The following LIPC variants were observed in gnomAD, a reference collection of about 807,000 sequenced individuals.
LIPC encodes hepatic triacylglycerol lipase.
In LIPC, 44 loss-of-function variants were observed where a neutral mutation model predicts 50.7. That is an observed-to-expected ratio of 0.87 (90% CI 0.68 to 1.11). The LOEUF (loss-of-function observed/expected upper bound fraction) is 1.11. LIPC is among the 50% of genes most tolerant of loss of function. LIPC has a pLI of 0.00. For synonymous variants in LIPC, 271 were observed against 256.4 expected (o/e 1.06, Z -0.54); for missense variants, 697 against 648.2 (o/e 1.08, Z -0.82).
At chr15:58,547,665 G>T (rs1275716471) in intron 5 of LIPC, among the ~76,000 whole-genome samples, 1 of 123,392 alleles carries the variant, frequency 8.1e-6, no homozygotes, top group Non-Finnish European at 1.8e-5. Flanking sequence ...ATCCTTAGTA[G>T]ATCAACCTCA....
At chr15:58,500,727 C>A (rs1218232500) in intron 1 of LIPC, among the ~76,000 whole-genome samples, 2 of 149,224 alleles carry the variant, frequency 1.3e-5, no homozygotes, top group African/African-American at 4.9e-5. Context: ...CTCCCTCTCT[C>A]TTCTCCCCCC....
intron 1 of LIPC, among the ~76,000 whole-genome samples, chr15:58,473,193 A>G (rs113851816): frequency 1.6e-4 from 24 of 152,138 alleles, no homozygotes; most frequent in African/African-American, 5.1e-4. Context: ...TGCATTTCCT[A>G]TGTTTATGCT....
chr15:58,432,267 C>G (rs1893149883), intron 1 of LIPC, 147 bp downstream of exon 1: 9 of 699,556 alleles, frequency 1.3e-5, no homozygotes, highest in Non-Finnish European at 1.8e-5. Context: ...CACAGGTTCA[C>G]AGGGACACGT....
intron 5 of LIPC, among the ~76,000 whole-genome samples, chr15:58,548,093 G>A (rs1566947165): frequency 6.6e-6 from 1 of 152,102 alleles, no homozygotes; most frequent in Non-Finnish European, 1.5e-5. Flanking sequence ...GTGCTCTCAG[G>A]ATCCCGGCAG....
chr15:58,563,785 C>T, intron 8 of LIPC, 62 bp downstream of exon 8: 3 of 1,340,540 alleles, frequency 2.2e-6, no homozygotes, highest in Non-Finnish European at 2.1e-6. Flanking sequence ...CAGGCAGTCT[C>T]ACAATTTAAT....
intron 6 of LIPC, among the ~76,000 whole-genome samples, chr15:58,556,622 G>A (rs573911998): frequency 1.2e-4 from 19 of 152,220 alleles, no homozygotes; most frequent in South Asian, 2.1e-4. Flanking sequence ...AGACAGTTTC[G>A]TAGCCTGTGT....
chr15:58,557,536 C>G (rs1194603820), intron 6 of LIPC, among the ~76,000 whole-genome samples: 1 of 152,022 alleles, frequency 6.6e-6, no homozygotes, highest in Admixed American at 6.5e-5. Flanking sequence ...AGGCACCCAC[C>G]ACCACGCCCC....
At chr15:58,539,278 T>C (rs1332244106) in intron 2 of LIPC, among the ~76,000 whole-genome samples, 2 of 152,364 alleles carry the variant, frequency 1.3e-5, no homozygotes, top group East Asian at 3.9e-4. Flanking sequence ...TCAATGGCTT[T>C]TGGTATAAAA....
intron 1 of LIPC, among the ~76,000 whole-genome samples, chr15:58,468,545 G>A (rs1451148978): frequency 6.6e-6 from 1 of 152,186 alleles, no homozygotes; most frequent in African/African-American, 2.4e-5. Flanking sequence ...ACTCGAGATG[G>A]ATGGTCCACA....
At chr15:58,444,244 G>A (rs1271383936) in intron 1 of LIPC, among the ~76,000 whole-genome samples, 1 of 151,906 alleles carries the variant, frequency 6.6e-6, no homozygotes, top group African/African-American at 2.4e-5. Context: ...TTGGGAAGGT[G>A]TTAAAGCAGG....
chr15:58,545,899 T>C lies in LIPC; in HGVS notation c.732T>C (p.Tyr244=), dbSNP rs1595939707. ...IKQPIGHYDF[Y]PNGGSFQPGC... ...AGCCCATAGGACACTATGACTTCTATCCCAACGGGGGCTCCTTCCAGCCTG... is the reference window on the plus strand; with the variant it reads ...AGCCCATAGGACACTATGACTTCTACCCCAACGGGGGCTCCTTCCAGCCTG... Residue 244 remains tyrosine (Y), a synonymous_variant, in exon 5 of 9, where the codon TAT becomes TAC. Transcript: ENST00000299022. The C allele has an allele frequency of 6.2e-7, 1 of 1,614,044 alleles. No homozygotes were observed. Among genetic ancestry groups the C allele is most frequent in the African/African-American group, 1.3e-5 (1 of 74,926 alleles).
intron 1 of LIPC, among the ~76,000 whole-genome samples, chr15:58,437,640 G>A (rs1016826679): frequency 2.6e-5 from 4 of 152,084 alleles, no homozygotes; most frequent in African/African-American, 9.6e-5. Context: ...CCTGCCACCA[G>A]CACCCAACTT....
At chr15:58,543,364 C>G (rs1459243883) in intron 4 of LIPC, among the ~76,000 whole-genome samples, 2 of 151,642 alleles carry the variant, frequency 1.3e-5, no homozygotes, top group Non-Finnish European at 2.9e-5. Context: ...GGTGTGGAAG[C>G]CCCAGAGTGC....
At chr15:58,538,070 G>A (rs929223533) in intron 1 of LIPC, among the ~76,000 whole-genome samples, 1 of 152,142 alleles carries the variant, frequency 6.6e-6, no homozygotes, top group African/African-American at 2.4e-5. Flanking sequence ...GACCTAGAGG[G>A]TGACTCTAGT....
intron 1 of LIPC, among the ~76,000 whole-genome samples, chr15:58,446,214 T>C (rs1397765531): frequency 1.2e-4 from 19 of 152,162 alleles, no homozygotes; most frequent in Non-Finnish European, 7.3e-5. Context: ...ATTTCTTTCT[T>C]TTTTTGAGAC....
At chr15:58,443,694 G>T (rs1893585042) in intron 1 of LIPC, among the ~76,000 whole-genome samples, 1 of 152,216 alleles carries the variant, frequency 6.6e-6, no homozygotes, top group African/African-American at 2.4e-5. Context: ...CATGTGAAGA[G>T]ACCACCAAGC....
At chr15:58,508,963 A>G (rs1441134161) in intron 1 of LIPC, among the ~76,000 whole-genome samples, 3 of 152,098 alleles carry the variant, frequency 2.0e-5, no homozygotes, top group African/African-American at 7.2e-5. Flanking sequence ...CTCATTCACA[A>G]CATCCCAATG....
intron 1 of LIPC, among the ~76,000 whole-genome samples, chr15:58,501,040 A>G (rs1317228156): frequency 6.6e-6 from 1 of 151,918 alleles, no homozygotes. Context: ...GGCATCACTG[A>G]GAAACCTTAG....
chr15:58,485,859 G>C (rs764040476), intron 1 of LIPC, among the ~76,000 whole-genome samples: 1 of 152,192 alleles, frequency 6.6e-6, no homozygotes, highest in Non-Finnish European at 1.5e-5. Context: ...TGTAGATTAC[G>C]GTTGAGAACA....
Sources: allele counts gnomAD v4.1 joint callset (sites outside exome capture counted in the v4.1 genomes callset), GRCh38; gene constraint gnomAD v4.1.1; transcripts MANE v1.5; gene names NCBI Gene and HGNC (gene_info 2026-07-23, HGNC 2026-07-21).